The following CFAP20DC variants were observed in gnomAD, a reference collection of about 807,000 sequenced individuals.
CFAP20DC encodes protein CFAP20DC.
In CFAP20DC, 84 loss-of-function variants were observed where a neutral mutation model predicts 101.7. The ratio of observed to expected loss-of-function variants is 0.83; its 90% CI spans 0.69 to 0.99. The LOEUF is 0.99. Ranked by LOEUF, CFAP20DC falls within the 50% of genes least tolerant of loss-of-function variation. The pLI, the probability that CFAP20DC is intolerant of heterozygous loss-of-function variation, is 0.00. For synonymous variants in CFAP20DC, 359 were observed against 351.2 expected (o/e 1.02, Z -0.25); for missense variants, 1,007 against 970.3 (o/e 1.04, Z -0.50).
intron 14 of CFAP20DC, among the ~76,000 whole-genome samples, chr3:58,820,522 A>G (rs2075553588): frequency 1.3e-5 from 2 of 150,914 alleles, no homozygotes; most frequent in South Asian, 2.1e-4. Flanking sequence ...GAGCCAAATC[A>G]TGAGTGAACT....
intron 3 of CFAP20DC, among the ~76,000 whole-genome samples, chr3:58,718,442 G>T (rs777112248): frequency 3.3e-5 from 5 of 152,126 alleles, no homozygotes; most frequent in Non-Finnish European, 4.4e-5. Context: ...AAGACTCCAG[G>T]CCTCCCCTTC....
At chr3:58,961,501 C>T (rs545239355) in intron 4 of CFAP20DC, among the ~76,000 whole-genome samples, 448 of 152,162 alleles carry the variant, frequency 2.9e-3, no homozygotes, top group Non-Finnish European at 4.9e-3. Flanking sequence ...TTGCAGTGAG[C>T]GAAGATCACG....
chr3:58,837,881 T>C (rs1405337851), intron 13 of CFAP20DC, among the ~76,000 whole-genome samples: 1 of 152,194 alleles, frequency 6.6e-6, no homozygotes, highest in Non-Finnish European at 1.5e-5. Context: ...TTCTCTCTAT[T>C]GCTATTTGCA....
At chr3:58,771,589 G>A (rs1320683640) in intron 15 of CFAP20DC, among the ~76,000 whole-genome samples, 2 of 152,122 alleles carry the variant, frequency 1.3e-5, no homozygotes, top group Non-Finnish European at 2.9e-5. Flanking sequence ...GTAGATGCAA[G>A]AAGAGCTCTC....
intron 5 of CFAP20DC, among the ~76,000 whole-genome samples, chr3:58,931,312 C>T (rs913307665): frequency 1.3e-5 from 2 of 152,212 alleles, no homozygotes; most frequent in Non-Finnish European, 2.9e-5. Flanking sequence ...AGGAGGCCTG[C>T]CTGCCTCTGT....
chr3:58,801,683 A>G (rs2073718368), intron 15 of CFAP20DC, among the ~76,000 whole-genome samples: 1 of 151,930 alleles, frequency 6.6e-6, no homozygotes, highest in Admixed American at 6.6e-5. Flanking sequence ...ACGGGTTACA[A>G]CGACAGGCCA....
rs143499265 is a variant in CFAP20DC, at chr3:58,813,028, T to C, written c.2176-6572A>G. 5.9e-3 allele frequency among the ~76,000 whole-genome samples: 899 copies of C among 151,992 alleles called. 16 individuals carry two copies. Among genetic ancestry groups the C allele is most frequent in the Middle Eastern group, 0.014 (4 of 292 alleles). ...AGACACACAGAAAATACATTTAGTC[T>C]CAGTGTTAGTAAGTGTGTAAATATA... On this transcript the variant is annotated intron_variant, in intron 14 of 16. Coordinates refer to ENST00000482387, the MANE Select transcript of CFAP20DC (RefSeq NM_001394063.1).
intron 4 of CFAP20DC, among the ~76,000 whole-genome samples, chr3:59,000,606 T>C (rs2108745949): frequency 1.3e-5 from 2 of 152,260 alleles, no homozygotes; most frequent in Middle Eastern, 6.8e-3. Flanking sequence ...TTTCAGGGCC[T>C]GTCAAGTCAT....
At chr3:58,821,575 C>T (rs982519500) in intron 14 of CFAP20DC, among the ~76,000 whole-genome samples, 2 of 149,454 alleles carry the variant, frequency 1.3e-5, no homozygotes, top group African/African-American at 4.9e-5. Flanking sequence ...CAGAGAAATG[C>T]AAATCAAAAC....
intron 5 of CFAP20DC, among the ~76,000 whole-genome samples, chr3:58,923,813 T>C (rs2085654145): frequency 6.6e-6 from 1 of 152,186 alleles, no homozygotes; most frequent in South Asian, 2.1e-4. Context: ...ATTACTTCTA[T>C]AAATTTTCTT....
intron 14 of CFAP20DC, among the ~76,000 whole-genome samples, chr3:58,809,712 C>A (rs957881255): frequency 6.6e-6 from 1 of 152,048 alleles, no homozygotes; most frequent in Admixed American, 6.6e-5. Context: ...CAGAGCAGGA[C>A]TGAGGGAAAT....
At chr3:58,890,353 G>C (rs1159015583) in intron 6 of CFAP20DC, among the ~76,000 whole-genome samples, 122 of 139,516 alleles carry the variant, frequency 8.7e-4, no homozygotes, top group Admixed American at 1.7e-3. Context: ...TGGCCGGGCA[G>C]AGGGGCTCCT....
At chr3:58,831,486 A>G (rs1377981824) in intron 14 of CFAP20DC, among the ~76,000 whole-genome samples, 200 bp downstream of exon 14, 1 of 152,234 alleles carries the variant, frequency 6.6e-6, no homozygotes, top group Non-Finnish European at 1.5e-5. Flanking sequence ...TTCTGAAGGT[A>G]AATAAGACAA....
At chr3:58,851,896 C>A (rs896393499) in intron 12 of CFAP20DC, among the ~76,000 whole-genome samples, 2 of 152,152 alleles carry the variant, frequency 1.3e-5, no homozygotes, top group African/African-American at 4.8e-5. Flanking sequence ...TGAGTAGGAG[C>A]ATTGTCGTGG....
At chr3:58,891,007 A>G (rs2106799159) in intron 6 of CFAP20DC, among the ~76,000 whole-genome samples, 1 of 146,478 alleles carries the variant, frequency 6.8e-6, no homozygotes, top group Non-Finnish European at 1.5e-5. Context: ...GACACTCCTC[A>G]CTTCCCAGAC....
intron 6 of CFAP20DC, among the ~76,000 whole-genome samples, chr3:58,898,203 C>G (rs962793989): frequency 2.6e-4 from 38 of 147,506 alleles, no homozygotes; most frequent in Non-Finnish European, 4.3e-4. Context: ...GAGATAGTGT[C>G]TCACTCTGTC....
intron 7 of CFAP20DC, among the ~76,000 whole-genome samples, chr3:58,871,472 AT>A (rs1234978656): frequency 6.6e-6 from 1 of 151,514 alleles, no homozygotes; most frequent in African/African-American, 2.4e-5. Context: ...ACACAGCTAA[AT>A]TACATTTCTG....
rs529653668 is a variant in CFAP20DC, at chr3:58,795,399, G to A, written c.2237+10996C>T. On this transcript the variant is annotated intron_variant, in intron 15 of 16. Coordinates refer to ENST00000482387, the MANE Select transcript of CFAP20DC (RefSeq NM_001394063.1). The surrounding 1 kb of genome is among the most constrained non-coding windows in gnomAD (Gnocchi z 4.2). ...ACGCCTGTAACCCAGCCCTTTGGGA[G>A]GCCAAGGTGGAGGGACGGTTGCTTG... Among the ~76,000 whole-genome samples the A allele has an allele frequency of 5.3e-5, 8 of 152,206 alleles. No individual in the cohort carries two copies. Among genetic ancestry groups the A allele is most frequent in the Non-Finnish European group, 1.2e-4 (8 of 68,038 alleles).
intron 5 of CFAP20DC, among the ~76,000 whole-genome samples, chr3:58,930,990 A>C (rs564720680): frequency 6.6e-6 from 1 of 152,222 alleles, no homozygotes; most frequent in Non-Finnish European, 1.5e-5. Context: ...GGGAAGCACA[A>C]GGGGTCAGGG....
Sources: allele counts gnomAD v4.1 joint callset (sites outside exome capture counted in the v4.1 genomes callset), GRCh38; gene constraint gnomAD v4.1.1; non-coding constraint Gnocchi (gnomAD v3.1); transcripts MANE v1.5; gene names NCBI Gene and HGNC (gene_info 2026-07-23, HGNC 2026-07-21).